Variants in COMMD1 observed in about 807,000 individuals in gnomAD.
The protein encoded by COMMD1 is COMM domain-containing protein 1.
In COMMD1, 10 loss-of-function variants were observed where a neutral mutation model predicts 17.2. That is an observed-to-expected ratio of 0.58 (90% CI 0.36 to 0.99). The LOEUF (loss-of-function observed/expected upper bound fraction) is 0.99, where lower values mean the gene tolerates loss of function less well. COMMD1 is among the 50% of genes least tolerant of loss of function. COMMD1 has a pLI of 0.01. For missense variants in COMMD1, 270 were observed against 231.8 expected (o/e 1.17, Z -1.07); for synonymous variants, 97 against 91.6 (o/e 1.06, Z -0.34).
chr2:61,890,586 A>G (rs1206248367), intron 1 of COMMD1, among the ~76,000 whole-genome samples: 5 of 152,072 alleles, frequency 3.3e-5, no homozygotes, highest in Non-Finnish European at 7.4e-5. Flanking sequence ...CACGCCTGTA[A>G]TCCCAGCACT....
intron 2 of COMMD1, among the ~76,000 whole-genome samples, chr2:62,123,371 G>A (rs1199767291): frequency 6.6e-6 from 1 of 151,518 alleles, no homozygotes; most frequent in East Asian, 1.9e-4. Flanking sequence ...TGGGTGTGGT[G>A]GCGCGCACCT....
Position 62,001,088 on chromosome 2 carries a change from A to G in COMMD1, c.462+106A>G, listed in dbSNP as rs181682223. On this transcript the variant is annotated intron_variant, in intron 2 of 2. Coordinates refer to ENST00000311832, the MANE Select transcript of COMMD1 (RefSeq NM_152516.4). ...TGCAATAACAGCAACAGGAAAAGAC[A>G]CTGTTTCCTAGAATCCTTTTTCAGA... The G allele has an allele frequency of 3.1e-4, 336 of 1,078,440 alleles. 1 individual carries two copies. Among genetic ancestry groups the G allele is most frequent in the Non-Finnish European group, 4.2e-4 (308 of 727,062 alleles). 66.8% of individuals were successfully genotyped at this position (1,078,440 alleles called of 1,614,324 possible).
chr2:62,104,023 T>A (rs1043503250), intron 2 of COMMD1, among the ~76,000 whole-genome samples: 15 of 152,126 alleles, frequency 9.9e-5, no homozygotes, highest in African/African-American at 3.6e-4. Context: ...GTATTTTTTG[T>A]ATAGTCAGGG....
At chr2:61,938,119 G>A (rs1670648715) in intron 1 of COMMD1, among the ~76,000 whole-genome samples, 1 of 152,116 alleles carries the variant, frequency 6.6e-6, no homozygotes, top group Non-Finnish European at 1.5e-5. Context: ...AATGTCGGGT[G>A]ATGGTTCAGC....
At chr2:62,035,764 AAGC>A (rs1670021322) in intron 2 of COMMD1, among the ~76,000 whole-genome samples, 1 of 147,186 alleles carries the variant, frequency 6.8e-6, no homozygotes, top group South Asian at 2.2e-4. Flanking sequence ...AAAAAAAAAA[AAGC>A]AGGGCTGGCA....
intron 2 of COMMD1, among the ~76,000 whole-genome samples, chr2:62,089,940 A>G (rs1671775842): frequency 6.6e-6 from 1 of 152,168 alleles, no homozygotes; most frequent in Non-Finnish European, 1.5e-5. Flanking sequence ...AAGGTCCCAC[A>G]GCACTAGGAA....
chr2:62,085,608 T>C (rs1406254695), intron 2 of COMMD1, among the ~76,000 whole-genome samples: 1 of 151,022 alleles, frequency 6.6e-6, no homozygotes, highest in Admixed American at 6.6e-5. Context: ...GAGGCCAAGG[T>C]GAGAGGATCA....
intron 2 of COMMD1, among the ~76,000 whole-genome samples, chr2:62,040,380 C>G (rs556999306): frequency 1.2e-4 from 18 of 152,256 alleles, no homozygotes; most frequent in Admixed American, 1.0e-3. Flanking sequence ...ACAATTCTCC[C>G]TGGTGTAAAA....
At chr2:62,075,254 A>G (rs753687446) in intron 2 of COMMD1, among the ~76,000 whole-genome samples, 2 of 152,124 alleles carry the variant, frequency 1.3e-5, no homozygotes, top group Non-Finnish European at 2.9e-5. Flanking sequence ...ATTCATATTA[A>G]TGTGAACTTT....
chr2:61,901,012 T>C (rs545211341), upstream of COMMD1, among the ~76,000 whole-genome samples: 23 of 152,294 alleles, frequency 1.5e-4, no homozygotes, highest in South Asian at 4.8e-3. Flanking sequence ...AGTGGCGTGA[T>C]CTCGGCTCAC....
At chr2:61,962,182 A>T (rs1277784611) in intron 1 of COMMD1, among the ~76,000 whole-genome samples, 1 of 152,144 alleles carries the variant, frequency 6.6e-6, no homozygotes, top group African/African-American at 2.4e-5. Context: ...GTATCTGTTA[A>T]GTTTATTTTC....
intron 2 of COMMD1, among the ~76,000 whole-genome samples, chr2:62,022,688 A>G (rs1020494944): frequency 2.0e-5 from 3 of 151,688 alleles, no homozygotes; most frequent in African/African-American, 7.3e-5. Context: ...TTGTAAATTC[A>G]TACTTTGCAC....
At chr2:62,076,337 G>A (rs921993795) in intron 2 of COMMD1, among the ~76,000 whole-genome samples, 4 of 152,246 alleles carry the variant, frequency 2.6e-5, no homozygotes, top group African/African-American at 9.6e-5. Context: ...TGAGGCAAGA[G>A]GTGGTGAGGT....
chr2:61,952,559 A>C (rs188004299), intron 1 of COMMD1, among the ~76,000 whole-genome samples: 4 of 152,110 alleles, frequency 2.6e-5, no homozygotes, highest in Admixed American at 2.6e-4. Flanking sequence ...AATGTTTTCC[A>C]TACATATATG....
chr2:62,104,424 A>G (rs536983720), intron 2 of COMMD1, among the ~76,000 whole-genome samples: 1 of 152,098 alleles, frequency 6.6e-6, no homozygotes, highest in Admixed American at 6.5e-5. Flanking sequence ...ACCTGAGGTC[A>G]GGAGTTCAAG....
chr2:61,919,142 G>A (rs1356159083), intron 1 of COMMD1, among the ~76,000 whole-genome samples: 2 of 152,142 alleles, frequency 1.3e-5, no homozygotes, highest in African/African-American at 4.8e-5. Flanking sequence ...CTCCCGTGTA[G>A]CTGGGATTAC....
At chr2:62,063,908 A>G (rs1222163649) in intron 2 of COMMD1, among the ~76,000 whole-genome samples, 2 of 69,666 alleles carry the variant, frequency 2.9e-5, no homozygotes, top group African/African-American at 1.0e-4. Flanking sequence ...TTAGCCAGGC[A>G]TGGTGGCATA....
chr2:62,095,274 CA>C (rs1671969066), intron 2 of COMMD1, among the ~76,000 whole-genome samples: 1 of 152,152 alleles, frequency 6.6e-6, no homozygotes, highest in Non-Finnish European at 1.5e-5. Flanking sequence ...AAATGCAGAA[CA>C]AAGGGTCTAT....
intron 2 of COMMD1, among the ~76,000 whole-genome samples, chr2:62,066,765 A>G (rs969215132): frequency 6.6e-6 from 1 of 151,252 alleles, no homozygotes; most frequent in Non-Finnish European, 1.5e-5. Flanking sequence ...TTGCTCTGTC[A>G]CCCAGGCTGG....
Sources: allele counts gnomAD v4.1 joint callset (sites outside exome capture counted in the v4.1 genomes callset), GRCh38; gene constraint gnomAD v4.1.1; transcripts MANE v1.5; gene names NCBI Gene and HGNC (gene_info 2026-07-23, HGNC 2026-07-21).